The following AGBL1 variants were observed in gnomAD, a reference collection of about 807,000 sequenced individuals.
AGBL1 encodes the protein AGBL carboxypeptidase 1, also known as cytosolic carboxypeptidase 4.
Under a neutral mutation model 118.9 loss-of-function variants are expected in AGBL1, and 130 were observed. The observed-to-expected ratio is 1.09, with a 90% confidence interval of 0.95 to 1.26. The LOEUF (loss-of-function observed/expected upper bound fraction) is 1.26, where lower values mean the gene tolerates loss of function less well. AGBL1 is among the 50% of genes most tolerant of loss of function. The pLI is 0.00. For missense variants in AGBL1, 1,584 were observed against 1,298.1 expected, an observed-to-expected ratio of 1.22 and a Z score of -3.38; for synonymous variants, 555 against 478.9, an observed-to-expected ratio of 1.16 and a Z score of -2.08.
At chr15:86,505,240 TTA>T (rs1201684475) in intron 18 of AGBL1, among the ~76,000 whole-genome samples, 4 of 151,954 alleles carry the variant, frequency 2.6e-5, no homozygotes, top group Non-Finnish European at 5.9e-5. Flanking sequence ...GACCCTGAGT[TTA>T]TCTTTCTTGG....
At chr15:86,274,031 G>A (rs1277195801) in intron 15 of AGBL1, among the ~76,000 whole-genome samples, 3 of 152,032 alleles carry the variant, frequency 2.0e-5, no homozygotes, top group Non-Finnish European at 4.4e-5. Context: ...ATTTGTATGT[G>A]TTCTTACCAG....
At chr15:86,283,567 C>G (rs1374856351) in intron 16 of AGBL1, among the ~76,000 whole-genome samples, 3 of 151,914 alleles carry the variant, frequency 2.0e-5, no homozygotes, top group African/African-American at 7.3e-5. Flanking sequence ...ATGCCACATG[C>G]ACAATATTTT....
intron 5 of AGBL1, among the ~76,000 whole-genome samples, chr15:86,204,416 G>A (rs1040226618): frequency 3.3e-5 from 5 of 152,046 alleles, no homozygotes; most frequent in African/African-American, 7.2e-5. Flanking sequence ...CACATGCAGA[G>A]CCCCCTACCT....
rs373833556 is a variant in AGBL1 at position 86,422,124 on chromosome 15, C to T, written c.2555+24578C>T. Among the ~76,000 whole-genome samples the T allele has an allele frequency of 1.2e-4, 19 of 152,266 alleles. 1 individual carries two copies. The East Asian group carries it at 2.9e-3, about 23-fold the overall frequency. On this transcript the variant is annotated intron_variant, in intron 18 of 22. Coordinates refer to ENST00000614907, the MANE Select transcript of AGBL1 (RefSeq NM_001386094.1). ...AATAGACATCTACAGAACTCTCGACCTCAAATCAACAGAATATACATTCTT... is the reference window on the plus strand; with the variant it reads ...AATAGACATCTACAGAACTCTCGACTTCAAATCAACAGAATATACATTCTT...
intron 22 of AGBL1, among the ~76,000 whole-genome samples, chr15:86,744,266 C>A (rs142945404): frequency 2.9e-4 from 44 of 152,208 alleles, no homozygotes; most frequent in African/African-American, 1.1e-3. Flanking sequence ...AGCTGACGAG[C>A]CCGCTTTGCA....
intron 22 of AGBL1, among the ~76,000 whole-genome samples, chr15:86,850,954 TAAAG>T (rs1000246921): frequency 3.9e-5 from 6 of 152,228 alleles, no homozygotes; most frequent in African/African-American, 9.6e-5. Context: ...ATTTTATTGA[TAAAG>T]AAACTGGAGT....
At chr15:86,178,236 C>T (rs1349567381) in intron 5 of AGBL1, among the ~76,000 whole-genome samples, 2 of 152,172 alleles carry the variant, frequency 1.3e-5, no homozygotes, top group Non-Finnish European at 2.9e-5. Flanking sequence ...TCCCTTGAAC[C>T]AGGGAGTTGG....
intron 21 of AGBL1, among the ~76,000 whole-genome samples, chr15:86,610,208 T>C (rs1291850392): frequency 6.6e-6 from 1 of 152,202 alleles, no homozygotes; most frequent in African/African-American, 2.4e-5. Flanking sequence ...ATGACAGCAC[T>C]GTGGTTGTGA....
chr15:86,337,068 C>G (rs1400568385), intron 17 of AGBL1, among the ~76,000 whole-genome samples: 2 of 152,174 alleles, frequency 1.3e-5, no homozygotes, highest in African/African-American at 4.8e-5. Flanking sequence ...TAGGTTGAAG[C>G]ATTAGATGGA....
intron 21 of AGBL1, among the ~76,000 whole-genome samples, chr15:86,656,086 C>T (rs1282994891): frequency 6.6e-6 from 1 of 152,034 alleles, no homozygotes; most frequent in East Asian, 1.9e-4. Flanking sequence ...CTTTTCTGCA[C>T]CTGCAGTGTA....
chr15:86,696,682 T>G (rs1460649887), intron 22 of AGBL1, among the ~76,000 whole-genome samples: 1 of 151,976 alleles, frequency 6.6e-6, no homozygotes, highest in Non-Finnish European at 1.5e-5. Flanking sequence ...GTATTTTTGT[T>G]TTATAGGACC....
chr15:86,546,708 A>G lies in AGBL1; in HGVS notation c.2817+575A>G, dbSNP rs551672569. Among the ~76,000 whole-genome samples, 6 of 152,318 alleles carry G rather than the reference A, an allele frequency of 3.9e-5. No individual in the cohort carries two copies. The South Asian group carries it at 1.2e-3, about 32-fold the overall frequency. ...CCTAATTCTATTTTACTTTAGTTTT[A>G]GTGGTTAGAGCTCAACTGTTCCTCC... On this transcript the variant is annotated intron_variant, in intron 20 of 22. Coordinates refer to ENST00000614907, the MANE Select transcript of AGBL1 (RefSeq NM_001386094.1).
chr15:86,154,308 A>C, intron 3 of AGBL1, 122 bp from the exon 4 acceptor site: 2 of 1,161,084 alleles, frequency 1.7e-6, no homozygotes, highest in Non-Finnish European at 1.2e-6. Context: ...ACTAGGTCTG[A>C]AAAATGTCTT....
intron 21 of AGBL1, among the ~76,000 whole-genome samples, chr15:86,652,089 TACAATA>T (rs2142496987): frequency 6.6e-6 from 1 of 152,256 alleles, no homozygotes; most frequent in African/African-American, 2.4e-5. Context: ...CTTTCCCCAA[TACAATA>T]AAAAGGAAAC....
At chr15:86,253,841 A>G (rs1267047201) in intron 7 of AGBL1, among the ~76,000 whole-genome samples, 1 of 152,180 alleles carries the variant, frequency 6.6e-6, no homozygotes, top group African/African-American at 2.4e-5. Context: ...ACTACTACCC[A>G]TCCATCTCCA....
chr15:86,594,324 G>C (rs1037377848), intron 21 of AGBL1, among the ~76,000 whole-genome samples: 5 of 151,960 alleles, frequency 3.3e-5, no homozygotes, highest in Non-Finnish European at 1.5e-5. Context: ...TTAAAGATTA[G>C]TGCATCTTTG....
chr15:86,148,190 G>A (rs575721161), intron 3 of AGBL1, among the ~76,000 whole-genome samples: 1 of 152,194 alleles, frequency 6.6e-6, no homozygotes, highest in Non-Finnish European at 1.5e-5. Flanking sequence ...GAGCAGAAAA[G>A]CTGAAAATTC....
At chr15:86,827,291 G>GTGTGTGTA (rs1567194140) in intron 22 of AGBL1, among the ~76,000 whole-genome samples, 2 of 37,504 alleles carry the variant, frequency 5.3e-5, no homozygotes, top group Non-Finnish European at 5.1e-5. Flanking sequence ...GGGTGTGTAT[G>GTGTGTGTA]TATATATATA....
intron 22 of AGBL1, among the ~76,000 whole-genome samples, chr15:86,677,050 G>C (rs539534571): frequency 2.8e-4 from 42 of 152,146 alleles, no homozygotes; most frequent in African/African-American, 9.6e-4. Context: ...CAAGGATGTG[G>C]TACTGCATCC....
Sources: gnomAD v4.1 joint callset for allele counts (sites outside exome capture counted in the v4.1 genomes callset) on GRCh38, gnomAD v4.1.1 for gene constraint, MANE v1.5 for transcripts, NCBI Gene and HGNC (gene_info 2026-07-23, HGNC 2026-07-21) for gene names.